The following RAB3IL1 variants were observed in gnomAD, a reference collection of about 807,000 sequenced individuals.
The protein encoded by RAB3IL1 is RAB3A interacting protein like 1, also known as guanine nucleotide exchange factor for Rab-3A.
Under a neutral mutation model 49.2 loss-of-function variants are expected in RAB3IL1, and 37 were observed. The ratio of observed to expected loss-of-function variants is 0.75; its 90% confidence interval spans 0.58 to 0.99. The LOEUF is 0.99. Ranked by LOEUF, RAB3IL1 falls within the 50% of genes least tolerant of loss-of-function variation. The pLI, the probability that RAB3IL1 is intolerant of heterozygous loss-of-function variation, is 0.00. For synonymous variants in RAB3IL1, 193 were observed against 213.9 expected, an observed-to-expected ratio of 0.90 and a Z score of 0.85; for missense variants, 484 against 513.0, an observed-to-expected ratio of 0.94 and a Z score of 0.55.
intron 7 of RAB3IL1, 98 bp downstream of exon 7, chr11:61,904,448 C>T (rs1375928220): frequency 5.0e-6 from 6 of 1,192,352 alleles, no homozygotes; most frequent in African/African-American, 3.0e-5. Flanking sequence ...CCTGTCCTGT[C>T]GGCGCTGCTG....
rs1939746848 is a variant in RAB3IL1 at position 61,917,413 on chromosome 11, G to A, written c.-46C>T. The A allele has an allele frequency of 8.2e-7, 1 of 1,216,908 alleles. No homozygotes were observed. Among genetic ancestry groups the A allele is most frequent in the Admixed American group, 4.4e-5 (1 of 22,730 alleles). 75.4% of individuals were successfully genotyped at this position (1,216,908 alleles called of 1,614,324 possible). ...AGGCGTCCGTTCCCAGCGCCGCCGC[G>A]TCCTCCCAGCGCCGCGTCCCCGCCC... On this transcript the variant is annotated 5_prime_UTR_variant, in exon 1 of 10. In the 5' UTR this introduces an upstream ATG that the reference lacks. Transcript: ENST00000394836.
chr11:61,921,969 G>A (rs1446947014), upstream of RAB3IL1, among the ~76,000 whole-genome samples: 3 of 150,106 alleles, frequency 2.0e-5, no homozygotes, highest in East Asian at 4.0e-4. Context: ...TGGGAGGATC[G>A]CTTGAGCCCA....
At chr11:61,929,591 T>C in the RAB3IL1 span, among the ~76,000 whole-genome samples, 1 of 82,388 alleles carries the variant, frequency 1.2e-5, no homozygotes, top group Non-Finnish European at 3.0e-5. Flanking sequence ...ACCAAGCAGA[T>C]TTTTTTTTTT....
the RAB3IL1 span, among the ~76,000 whole-genome samples, chr11:61,934,446 G>GTATATATATATATA: frequency 4.1e-5 from 1 of 24,404 alleles, no homozygotes; most frequent in East Asian, 1.8e-3. Context: ...GTGTGTGTGT[G>GTATATATATATATA]TATGTATATA....
the RAB3IL1 span, among the ~76,000 whole-genome samples, chr11:61,943,758 C>G: frequency 5.3e-5 from 8 of 152,118 alleles, no homozygotes; most frequent in African/African-American, 1.7e-4. Context: ...ATCAAAACCA[C>G]AATGAGATAC....
intron 1 of RAB3IL1, among the ~76,000 whole-genome samples, chr11:61,914,224 C>G (rs1279066834): frequency 1.3e-5 from 2 of 152,212 alleles, no homozygotes; most frequent in African/African-American, 4.8e-5. Flanking sequence ...ATCACACAGC[C>G]AGTTGATGGC....
upstream of RAB3IL1, among the ~76,000 whole-genome samples, chr11:61,920,962 AT>A (rs566792657): frequency 1.2e-4 from 18 of 152,024 alleles, no homozygotes; most frequent in East Asian, 3.9e-4. Flanking sequence ...GTTATTTTTT[AT>A]TTTTTTTCTT....
Position 61,904,600 on chromosome 11 carries a change from G to C in RAB3IL1, c.845C>G (p.Ala282Gly). 6.2e-7 allele frequency: 1 copy of C among 1,613,420 alleles called. No individual in the cohort carries two copies. Among genetic ancestry groups the C allele is most frequent in the African/African-American group, 1.3e-5 (1 of 75,054 alleles). The change falls in exon 7 of 10, where the codon GCT (alanine) becomes GGT (glycine). Residue 282 changes from alanine (A) to glycine (G), a missense_variant. Ala to Gly is a moderately conservative substitution (Grantham distance 60). Transcript: ENST00000394836. Reference protein sequence around the residue: ...EDNTLTIEPVASQTLPTVKVA... With the variant: ...EDNTLTIEPVGSQTLPTVKVA... ...CTTCACTGTGGGCAGCGTCTGCGAA[G>C]CCACCGGCTCAATGGTGAGCGTGTT...
At chr11:61,924,594 C>T (rs756114582), upstream of RAB3IL1, among the ~76,000 whole-genome samples, 4 of 152,126 alleles carry the variant, frequency 2.6e-5, no homozygotes, top group Non-Finnish European at 4.4e-5. Context: ...GTTCTAGACA[C>T]AAATATATGG....
chr11:61,944,450 G>A, the RAB3IL1 span, among the ~76,000 whole-genome samples: 2 of 151,982 alleles, frequency 1.3e-5, no homozygotes, highest in Admixed American at 1.3e-4. Flanking sequence ...TTCTGCATTG[G>A]TAACAAGCTT....
chr11:61,929,590 ATT>A, the RAB3IL1 span, among the ~76,000 whole-genome samples: 2 of 144,848 alleles, frequency 1.4e-5, no homozygotes, highest in Non-Finnish European at 3.0e-5. Flanking sequence ...AACCAAGCAG[ATT>A]TTTTTTTTTT....
the RAB3IL1 span, among the ~76,000 whole-genome samples, chr11:61,931,302 C>T: frequency 3.9e-5 from 6 of 152,278 alleles, no homozygotes; most frequent in African/African-American, 1.4e-4. Flanking sequence ...CCAAGACCTC[C>T]AACCCTCTTC....
At chr11:61,901,549 G>A (rs1565357502) in intron 8 of RAB3IL1, among the ~76,000 whole-genome samples, 1 of 152,236 alleles carries the variant, frequency 6.6e-6, no homozygotes, top group Non-Finnish European at 1.5e-5. Context: ...AGAGGGGGGC[G>A]ATGTCATCCC....
rs174476 is a variant in RAB3IL1, at chr11:61,906,646, C to T, written c.477G>A (p.Thr159=). ...MLQAEVTALK[T]LVITSTPASP... is the part of the protein sequence containing the mutation. ...AGGCTGGTGTGGACGTGATGACCAGCGTCTTCAAGGCTGTCACCTCTGCCT... is the reference window on the plus strand; with the variant it reads ...AGGCTGGTGTGGACGTGATGACCAGTGTCTTCAAGGCTGTCACCTCTGCCT... Residue 159 remains threonine (T), a synonymous_variant, in exon 5 of 10, where the codon ACG becomes ACA. Transcript: ENST00000394836. The surrounding 1 kb of genome is among the most constrained non-coding windows in gnomAD (Gnocchi z 4.6). 0.37 allele frequency: 588,153 copies of T among 1,609,356 alleles called. 117,806 individuals are homozygous for T. Among genetic ancestry groups the T allele is most frequent in the Non-Finnish European group, 0.42 (491,755 of 1,178,002 alleles).
At chr11:61,936,904 C>T in the RAB3IL1 span, among the ~76,000 whole-genome samples, 20 of 152,162 alleles carry the variant, frequency 1.3e-4, no homozygotes, top group African/African-American at 4.3e-4. Context: ...AAACTAAAGT[C>T]GAGAGAGTTT....
Position 61,917,419 on chromosome 11 carries a change from C to T in RAB3IL1, c.-52G>A, listed in dbSNP as rs1400681116. On this transcript the variant is annotated 5_prime_UTR_variant, in exon 1 of 10. Coordinates refer to ENST00000394836, the MANE Select transcript of RAB3IL1 (RefSeq NM_013401.4). ...CCGTTCCCAGCGCCGCCGCGTCCTC[C>T]CAGCGCCGCGTCCCCGCCCGCCGCC... The T allele has an allele frequency of 8.3e-7, 1 of 1,207,286 alleles. No individual in the cohort carries two copies. The highest frequency in any genetic ancestry group is 1.6e-5 in the African/African-American group (1 of 62,988). 74.8% of individuals were successfully genotyped at this position (1,207,286 alleles called of 1,614,324 possible).
chr11:61,899,528 GTAA>G (rs1938794644), intron 8 of RAB3IL1, 148 bp from the exon 9 acceptor site: 1 of 657,214 alleles, frequency 1.5e-6, no homozygotes, highest in Non-Finnish European at 2.6e-6. Flanking sequence ...CTTTCAAGTA[GTAA>G]TCAACAACAG....
At chr11:61,937,503 T>C in the RAB3IL1 span, among the ~76,000 whole-genome samples, 2 of 152,018 alleles carry the variant, frequency 1.3e-5, no homozygotes, top group Non-Finnish European at 2.9e-5. Flanking sequence ...ATACGGGGTC[T>C]TTCTTTATTA....
chr11:61,917,477 T>C lies in RAB3IL1; in HGVS notation c.-110A>G. On this transcript the variant is annotated 5_prime_UTR_variant, in exon 1 of 10. Transcript: ENST00000394836. The stretch of plus-strand genomic sequence containing the variant: ...CCAGGGGCCGAGCCGCCCCACCGCC[T>C]GTCAGCCCTGCCCGCGGCCGGTCAG... 8.7e-7 allele frequency: 1 copy of C among 1,152,394 alleles called. No individual in the cohort carries two copies. The allele number at this position is 1,152,394 out of a possible 1,614,324, so 71.4% of individuals were successfully genotyped here.
Sources: gnomAD v4.1 joint callset for allele counts (sites outside exome capture counted in the v4.1 genomes callset) on GRCh38, gnomAD v4.1.1 for gene constraint, Gnocchi (gnomAD v3.1) non-coding constraint, MANE v1.5 for transcripts, NCBI Gene and HGNC (gene_info 2026-07-23, HGNC 2026-07-21) for gene names.